KPNA7: variants seen among roughly 807,000 people sequenced by gnomAD.
KPNA7 encodes importin subunit alpha-8.
Under a neutral mutation model 53.7 loss-of-function variants are expected in KPNA7, and 54 were observed. The observed-to-expected ratio is 1.01, with a 90% CI of 0.81 to 1.26. KPNA7 has a LOEUF of 1.26. Among genes scored for constraint, KPNA7 ranks in the 50% most tolerant of loss-of-function variants. The pLI is 0.00. For synonymous variants in KPNA7, 276 were observed against 259.3 expected, an observed-to-expected ratio of 1.06 and a Z score of -0.62; for missense variants, 640 against 644.5, an observed-to-expected ratio of 0.99 and a Z score of 0.07.
At chr7:99,178,273 A>G (rs373296405) in intron 9 of KPNA7, among the ~76,000 whole-genome samples, 20 of 152,306 alleles carry the variant, frequency 1.3e-4, no homozygotes, top group African/African-American at 4.8e-4. Flanking sequence ...ATATAGACAT[A>G]TATCATAAAT....
intron 6 of KPNA7, among the ~76,000 whole-genome samples, chr7:99,190,445 T>A (rs77285088): frequency 0.027 from 4,141 of 152,040 alleles, 171 homozygotes; most frequent in African/African-American, 0.095. Flanking sequence ...TTCTACTTAG[T>A]CTTTTTGGCA....
Position 99,195,308 on chromosome 7 carries a change from A to AG in KPNA7, c.314dup (p.Leu106SerfsTer6), listed in dbSNP as rs752262230. On this transcript the variant is annotated frameshift_variant, in exon 5 of 11. Transcript: ENST00000327442. LOFTEE classifies it high-confidence loss of function. ...GGCCCGCTTCAATGACCAGTTTCAGAGGGGGGTTCTTTTCCTGGGATAGCA... is the reference window on the plus strand; with the variant it reads ...GGCCCGCTTCAATGACCAGTTTCAGAGGGGGGGTTCTTTTCCTGGGATAGCA... 2.6e-6 allele frequency: 4 copies of AG among 1,551,080 alleles called. No homozygotes were observed. The highest frequency in any genetic ancestry group is 4.9e-5 in the East Asian group (2 of 40,912).
the KPNA7 span, among the ~76,000 whole-genome samples, chr7:99,151,145 GGA>G: frequency 6.6e-6 from 1 of 152,098 alleles, no homozygotes; most frequent in African/African-American, 2.4e-5. Context: ...GGTTTTTCAA[GGA>G]GAGAGATCTC....
chr7:99,209,693 A>G (rs1275854740), upstream of KPNA7, among the ~76,000 whole-genome samples: 1 of 128,542 alleles, frequency 7.8e-6, no homozygotes, highest in Non-Finnish European at 1.6e-5. Context: ...AAAAAAAAAA[A>G]AAAAAAAAAA....
At position 99,195,226 on chromosome 7, in the gene KPNA7, C is replaced by G; in HGVS notation, c.397G>C (p.Glu133Gln). The change falls in exon 5 of 11, where the codon GAG (glutamate) becomes CAG (glutamine). Residue 133 changes from glutamate (E) to glutamine (Q), a missense_variant. Coordinates refer to ENST00000327442, the MANE Select transcript of KPNA7 (RefSeq NM_001145715.3). ...ATGTTGGTCAGGGCCCAGGCAGCCT[C>G]AAACTGCAAGCAGGGGTAAAGTGAT... ...KSSLYPCLQFEAAWALTNIAS... is the reference protein window; with the variant it reads ...KSSLYPCLQFQAAWALTNIAS... 1.3e-6 allele frequency: 2 copies of G among 1,551,600 alleles called. No homozygotes were observed. Among genetic ancestry groups the G allele is most frequent in the South Asian group, 2.4e-5 (2 of 84,058 alleles).
chr7:99,190,417 T>A (rs2150739573), intron 6 of KPNA7, among the ~76,000 whole-genome samples: 1 of 152,174 alleles, frequency 6.6e-6, no homozygotes, highest in Middle Eastern at 3.4e-3. Flanking sequence ...CCTGGTTTTC[T>A]ATGGCCAAAT....
At chr7:99,164,189 GTATGTTTAT>G in the KPNA7 span, among the ~76,000 whole-genome samples, 24 of 151,442 alleles carry the variant, frequency 1.6e-4, 1 homozygote, top group East Asian at 4.5e-3. Flanking sequence ...ACATGCACAT[GTATGTTTAT>G]TGCGGCACTA....
chr7:99,173,062 C>CAAAAAAAAAAAAAAAAA (rs923484332), downstream of KPNA7, among the ~76,000 whole-genome samples: 2 of 57,158 alleles, frequency 3.5e-5, no homozygotes, highest in African/African-American at 6.4e-5. Context: ...AACTCCATCT[C>CAAAAAAAAAAAAAAAAA]AAAAAAAAAA....
chr7:99,208,212 G>A (rs960635399), upstream of KPNA7, among the ~76,000 whole-genome samples: 1 of 152,000 alleles, frequency 6.6e-6, no homozygotes, highest in Non-Finnish European at 1.5e-5. Context: ...GAGTAGCTGG[G>A]ACTACAGGCA....
the KPNA7 span, among the ~76,000 whole-genome samples, chr7:99,146,320 A>C: frequency 6.6e-6 from 1 of 152,162 alleles, no homozygotes; most frequent in African/African-American, 2.4e-5. Context: ...GAGGTTTCTG[A>C]AAGGCATTTT....
rs1008957778 is a variant in KPNA7 at position 99,188,008 on chromosome 7, C to G, written c.900+292G>C. On this transcript the variant is annotated intron_variant, in intron 7 of 10. Coordinates refer to ENST00000327442, the MANE Select transcript of KPNA7 (RefSeq NM_001145715.3). ...CTGGCCAACATGGTAAAACCCTGTC[C>G]CTACTAAAAATACAAAATGAGCCGG... Among the ~76,000 whole-genome samples the G allele has an allele frequency of 2.0e-5, 3 of 150,188 alleles. No homozygotes were observed. In the East Asian group the frequency reaches 5.9e-4, roughly 30 times the overall value.
chr7:99,184,299 C>T (rs1430410412), intron 8 of KPNA7, among the ~76,000 whole-genome samples: 1 of 151,974 alleles, frequency 6.6e-6, no homozygotes, highest in East Asian at 1.9e-4. Context: ...GGACTACAGG[C>T]ATATGCCACC....
the KPNA7 span, among the ~76,000 whole-genome samples, chr7:99,168,546 TG>T: frequency 6.6e-6 from 1 of 152,250 alleles, no homozygotes; most frequent in Non-Finnish European, 1.5e-5. Context: ...GGTCTGGCTC[TG>T]TCCCCCAGGC....
At chr7:99,195,512 C>T (rs1451353281) in intron 4 of KPNA7, among the ~76,000 whole-genome samples, 174 bp from the exon 5 acceptor site, 4 of 152,086 alleles carry the variant, frequency 2.6e-5, no homozygotes, top group Non-Finnish European at 4.4e-5. Flanking sequence ...GCCTGGCCAA[C>T]ATGGTGAAAC....
At chr7:99,194,884 C>T (rs1053776903) in intron 5 of KPNA7, among the ~76,000 whole-genome samples, 186 bp downstream of exon 5, 10 of 152,110 alleles carry the variant, frequency 6.6e-5, no homozygotes, top group African/African-American at 1.2e-4. Flanking sequence ...GGATTACAGA[C>T]GTGAGCCACC....
downstream of KPNA7, among the ~76,000 whole-genome samples, chr7:99,172,926 G>A (rs1412057501): frequency 1.3e-5 from 2 of 151,804 alleles, no homozygotes; most frequent in Admixed American, 6.6e-5. Context: ...AGCCCAGCAT[G>A]GTGGCAGGCA....
intron 2 of KPNA7, 92 bp from the exon 3 acceptor site, chr7:99,203,332 T>C (rs1790645844): frequency 1.5e-6 from 2 of 1,332,848 alleles, no homozygotes; most frequent in South Asian, 1.3e-5. Flanking sequence ...CCAATTTCAT[T>C]TTTACAGATA....
rs149164957 is a variant in KPNA7 at position 99,194,830 on chromosome 7, C to A, written c.553+240G>T. The stretch of plus-strand genomic sequence containing the variant: ...ATGTTGGCCAGGCTGGTCTTGAACT[C>A]CTGACCTCAAGTGATCCGTCCGCCT... On this transcript the variant is annotated intron_variant, in intron 5 of 10. Coordinates refer to ENST00000327442, the MANE Select transcript of KPNA7 (RefSeq NM_001145715.3). Among the ~76,000 whole-genome samples the A allele has an allele frequency of 6.4e-3, 975 of 152,178 alleles. 7 individuals carry two copies. The highest frequency in any genetic ancestry group is 0.01 in the Non-Finnish European group (711 of 68,014).
At chr7:99,155,770 G>A in the KPNA7 span, among the ~76,000 whole-genome samples, 1 of 144,152 alleles carries the variant, frequency 6.9e-6, no homozygotes, top group East Asian at 2.0e-4. Context: ...TCATCATATT[G>A]CCCAGGCTGG....
Sources: allele counts gnomAD v4.1 joint callset (sites outside exome capture counted in the v4.1 genomes callset), GRCh38; gene constraint gnomAD v4.1.1; transcripts MANE v1.5; gene names NCBI Gene and HGNC (gene_info 2026-07-23, HGNC 2026-07-21).